Variants in NFYC observed in about 807,000 individuals in gnomAD.
NFYC encodes the protein CAAT box DNA-binding protein subunit C.
A neutral mutation model predicts 53.1 loss-of-function variants in NFYC; 25 were observed. The observed-to-expected ratio is 0.47, with a 90% CI of 0.34 to 0.66. The LOEUF (loss-of-function observed/expected upper bound fraction) is 0.66. Among genes scored for constraint, NFYC ranks in the 30% least tolerant of loss-of-function variants. NFYC has a pLI of 0.01. For missense variants in NFYC, 260 were observed against 422.7 expected (o/e 0.62, Z 3.38); for synonymous variants, 145 against 152.6 (o/e 0.95, Z 0.37).
At chr1:40,726,276 C>T (rs1037511534) in intron 1 of NFYC, among the ~76,000 whole-genome samples, 22 of 152,182 alleles carry the variant, frequency 1.4e-4, no homozygotes, top group African/African-American at 5.1e-4. Context: ...CACCACCATG[C>T]CCAGCTAATT....
At chr1:40,754,376 A>G in intron 5 of NFYC, 1 of 534,450 alleles carries the variant, frequency 1.9e-6, no homozygotes, top group South Asian at 1.4e-5. Context: ...GCTACTGTAA[A>G]CATCCTTGAC....
chr1:40,757,099 G>T (rs566513159), intron 5 of NFYC, among the ~76,000 whole-genome samples: 1 of 152,168 alleles, frequency 6.6e-6, no homozygotes, highest in Non-Finnish European at 1.5e-5. Context: ...GGCAAACTTT[G>T]CCCTGAATAA....
chr1:40,758,662 C>T (rs1047276352), intron 6 of NFYC, among the ~76,000 whole-genome samples: 1 of 152,174 alleles, frequency 6.6e-6, no homozygotes, highest in Non-Finnish European at 1.5e-5. Flanking sequence ...GGAATTTGTG[C>T]CCTTAAAGGG....
At chr1:40,753,594 A>G (rs1412699418) in intron 5 of NFYC, among the ~76,000 whole-genome samples, 1 of 152,218 alleles carries the variant, frequency 6.6e-6, no homozygotes, top group African/African-American at 2.4e-5. Context: ...TTTTTAAGAA[A>G]CAGCTTCTCT....
rs941840889 is a variant in NFYC, at chr1:40,763,105, T to C, written c.720+59T>C. The C allele has an allele frequency of 1.1e-5, 16 of 1,406,996 alleles. No homozygotes were observed. The African/African-American group carries it at 2.0e-4, about 18-fold the overall frequency. 87.2% of individuals were successfully genotyped at this position (1,406,996 alleles called of 1,614,324 possible). On this transcript the variant is annotated intron_variant, in intron 7 of 9. Transcript: ENST00000447388. ...TTATAGAAGGAAATACTTAAAGATA[T>C]ATATACCTTGATATATATATGTATA... is the stretch of plus-strand genomic sequence containing the variant.
chr1:40,745,638 A>G (rs1214086499), intron 2 of NFYC, among the ~76,000 whole-genome samples: 1 of 152,146 alleles, frequency 6.6e-6, no homozygotes, highest in African/African-American at 2.4e-5. Context: ...TTCAACAGGC[A>G]AATTCCCAGC....
intron 8 of NFYC, 60 bp downstream of exon 8, chr1:40,766,763 G>C: frequency 6.5e-7 from 1 of 1,545,666 alleles, no homozygotes; most frequent in Non-Finnish European, 8.9e-7. Flanking sequence ...GCTTCTGACA[G>C]GAAAGGAGCG....
chr1:40,740,655 G>A (rs2148621529), intron 2 of NFYC, among the ~76,000 whole-genome samples: 1 of 152,290 alleles, frequency 6.6e-6, no homozygotes, highest in East Asian at 1.9e-4. Context: ...GAGAAGGGAG[G>A]AATAAATGAA....
chr1:40,727,569 C>T (rs548053859), intron 1 of NFYC, among the ~76,000 whole-genome samples: 17 of 140,892 alleles, frequency 1.2e-4, no homozygotes, highest in South Asian at 2.3e-4. Flanking sequence ...CTTGCTCTGT[C>T]GCCCAGGCTG....
intron 6 of NFYC, among the ~76,000 whole-genome samples, chr1:40,762,484 AT>A (rs1557919084): frequency 6.6e-6 from 1 of 152,210 alleles, no homozygotes; most frequent in African/African-American, 2.4e-5. Flanking sequence ...GACCCTTTCC[AT>A]TTAATGTTCC....
At chr1:40,720,096 A>G (rs1235349479) in intron 1 of NFYC, among the ~76,000 whole-genome samples, 6 of 152,126 alleles carry the variant, frequency 3.9e-5, no homozygotes, top group Admixed American at 1.3e-4. Flanking sequence ...TAAGAGATTT[A>G]TGGTTTGGTT....
At chr1:40,757,383 T>C (rs1201654849) in intron 5 of NFYC, 1 of 534,010 alleles carries the variant, frequency 1.9e-6, no homozygotes, top group South Asian at 1.4e-5. Flanking sequence ...AAACATCAGC[T>C]GAAGAAGGAA....
At chr1:40,712,608 G>A (rs1214753265) in intron 1 of NFYC, 1 of 150,154 alleles carries the variant, frequency 6.7e-6, no homozygotes, top group Non-Finnish European at 1.5e-5. Flanking sequence ...AAGCATGGGA[G>A]GTAATTATAG....
intron 1 of NFYC, among the ~76,000 whole-genome samples, chr1:40,710,359 C>T (rs1164142982): frequency 6.6e-6 from 1 of 152,104 alleles, no homozygotes; most frequent in Admixed American, 6.6e-5. Context: ...TATTTAAAAT[C>T]CTGCAGTTTG....
At chr1:40,747,726 C>A in intron 3 of NFYC, 121 bp downstream of exon 3, 1 of 695,586 alleles carries the variant, frequency 1.4e-6, no homozygotes, top group Non-Finnish European at 2.4e-6. Flanking sequence ...CTGTCTGTTG[C>A]TTTGTTATTT....
intron 5 of NFYC, among the ~76,000 whole-genome samples, chr1:40,753,847 A>C (rs984086077): frequency 6.6e-6 from 1 of 152,156 alleles, no homozygotes; most frequent in African/African-American, 2.4e-5. Context: ...GAGAACCACC[A>C]CTTGAGCTGT....
At chr1:40,720,939 C>G (rs1644306764) in intron 1 of NFYC, among the ~76,000 whole-genome samples, 1 of 151,990 alleles carries the variant, frequency 6.6e-6, no homozygotes, top group Admixed American at 6.6e-5. Context: ...TATTGAATCC[C>G]CACTATGTGC....
At chr1:40,748,749 C>CT (rs1645754756) in intron 3 of NFYC, among the ~76,000 whole-genome samples, 1 of 152,138 alleles carries the variant, frequency 6.6e-6, no homozygotes, top group Non-Finnish European at 1.5e-5. Flanking sequence ...TCACAGAAAG[C>CT]TAACAATTGA....
In NFYC at chr1:40,732,736, C is replaced by T. The variant is rs141076508; in HGVS notation, c.-8-6100C>T. On this transcript the variant is annotated intron_variant, in intron 1 of 9. Coordinates refer to ENST00000447388, the MANE Select transcript of NFYC (RefSeq NM_014223.5). ...GGTTCTGACTTTGAAAAGATTTACACTTGAGAATGGTATGCATCCACATTT... is the reference window on the plus strand; with the variant it reads ...GGTTCTGACTTTGAAAAGATTTACATTTGAGAATGGTATGCATCCACATTT... 7.9e-5 allele frequency among the ~76,000 whole-genome samples: 12 copies of T among 152,332 alleles called. No individual in the cohort carries two copies. In the East Asian group the frequency reaches 2.3e-3, roughly 29 times the overall value.
Sources: allele counts gnomAD v4.1 joint callset (sites outside exome capture counted in the v4.1 genomes callset), GRCh38; gene constraint gnomAD v4.1.1; transcripts MANE v1.5; gene names NCBI Gene and HGNC (gene_info 2026-07-23, HGNC 2026-07-21).